The following TRIM3 variants were observed in gnomAD, a reference collection of about 807,000 sequenced individuals.
The protein encoded by TRIM3 is tripartite motif-containing protein 3.
TRIM3 carries 13 observed loss-of-function variants against 66.6 expected under a neutral mutation model. That is an observed-to-expected ratio of 0.20 (90% confidence interval 0.13 to 0.31). TRIM3 has a LOEUF of 0.31. Ranked by LOEUF, TRIM3 falls within the 10% of genes least tolerant of loss-of-function variation. TRIM3 has a pLI of 1.00. For synonymous variants in TRIM3, 406 were observed against 411.7 expected, an observed-to-expected ratio of 0.99 and a Z score of 0.17; for missense variants, 711 against 1,020.4, an observed-to-expected ratio of 0.70 and a Z score of 4.13.
At chr11:6,455,155 A>C (rs554989449) in intron 7 of TRIM3, among the ~76,000 whole-genome samples, 1 of 152,226 alleles carries the variant, frequency 6.6e-6, no homozygotes, top group South Asian at 2.1e-4. Flanking sequence ...CTCCACCTGG[A>C]CGATGATATT....
At position 6,462,059 on chromosome 11, in the gene TRIM3, G is replaced by A. The variant is rs116616770; in HGVS notation, c.131+3506C>T. 8.2e-3 allele frequency among the ~76,000 whole-genome samples: 1,253 copies of A among 152,082 alleles called. 20 individuals are homozygous for A. The highest frequency in any genetic ancestry group is 0.029 in the African/African-American group (1,186 of 41,454). On this transcript the variant is annotated intron_variant, in intron 2 of 11. Transcript: ENST00000345851. ...TGTCTACTTCTTCCTCAAGGCCTTT[G>A]CACAGATTTTTCTATTGCCTGGAAC...
chr11:6,465,431 C>T, intron 2 of TRIM3, 134 bp downstream of exon 2: 1 of 1,114,862 alleles, frequency 9.0e-7, no homozygotes, highest in Admixed American at 2.1e-5. Context: ...GGTTCACCTG[C>T]TCTCCTCCCA....
intron 2 of TRIM3, among the ~76,000 whole-genome samples, chr11:6,460,035 T>C (rs1850155429): frequency 6.6e-6 from 1 of 152,016 alleles, no homozygotes; most frequent in Non-Finnish European, 1.5e-5. Flanking sequence ...TAGACAGTGA[T>C]AAGAGAGAGG....
Position 6,448,724 on chromosome 11 carries a change from T to C in TRIM3, c.*304A>G. 1 of 611,008 alleles carries C rather than the reference T, an allele frequency of 1.6e-6. No homozygotes were observed. Among genetic ancestry groups the C allele is most frequent in the East Asian group, 2.7e-5 (1 of 36,372 alleles). 37.8% of individuals were successfully genotyped at this position (611,008 alleles called of 1,614,324 possible). The stretch of plus-strand genomic sequence containing the variant: ...GGACTCCTGTCCTGGGGTAGGCTGT[T>C]CTGGCCCCAGGCTGGGGGATGGGGA... On this transcript the variant is annotated 3_prime_UTR_variant, in exon 12 of 12. Coordinates refer to ENST00000345851, the MANE Select transcript of TRIM3 (RefSeq NM_033278.4).
In TRIM3 at chr11:6,465,642, C is replaced by A; in HGVS notation, c.54G>T (p.Gln18His). Residue 18 changes from glutamine (Q) to histidine (H), a missense_variant, in exon 2 of 12, where the codon CAG becomes CAT. Gln to His is a conservative substitution (Grantham distance 24). Around this residue, in one of 3 missense-constraint regions of TRIM3, gnomAD observed 149 missense variants for 240.3 expected, o/e 0.62. Transcript: ENST00000345851. ...PGPEVQPMDK[Q>H]FLVCSICLDR... ...CCAGGCAGATGCTGCATACCAGGAA[C>A]TGCTTGTCCATTGGCTGGACCTCTG... 6.2e-7 allele frequency: 1 copy of A among 1,614,194 alleles called. No individual in the cohort carries two copies. Among genetic ancestry groups the A allele is most frequent in the Admixed American group, 1.7e-5 (1 of 60,034 alleles).
chr11:6,451,123 A>C, intron 8 of TRIM3, 63 bp from the exon 9 acceptor site: 1 of 1,603,602 alleles, frequency 6.2e-7, no homozygotes, highest in Non-Finnish European at 8.5e-7. Flanking sequence ...GTCCTAACCC[A>C]GTACCAAAGC....
chr11:6,462,956 C>T (rs2134206196), intron 2 of TRIM3, among the ~76,000 whole-genome samples: 1 of 152,192 alleles, frequency 6.6e-6, no homozygotes, highest in Admixed American at 6.5e-5. Context: ...CCTGGAATCC[C>T]AGAACTTTGG....
chr11:6,465,271 T>C (rs1438934500), intron 2 of TRIM3, among the ~76,000 whole-genome samples: 1 of 152,126 alleles, frequency 6.6e-6, no homozygotes. Context: ...TGAGCACTGT[T>C]TGATTTCTTA....
In TRIM3 at chr11:6,456,598, C is replaced by T. The variant is rs979746561; in HGVS notation, c.1128G>A (p.Val376=). 1 of 1,612,822 alleles carries T rather than the reference C, an allele frequency of 6.2e-7. No individual in the cohort carries two copies. The highest frequency in any genetic ancestry group is 1.7e-5 in the Admixed American group (1 of 60,002). Residue 376 remains valine (V), a synonymous_variant, in exon 6 of 12, where the codon GTG becomes GTA. Transcript: ENST00000345851. This position sits in a 1 kb window ranked among gnomAD's most constrained non-coding sequence, Gnocchi z 6.4. ...TGCCATTCTTGTGGTCCACCACTGG[C>T]ACCGGAAGGCGCGTGCCGTCCGGGC... is the stretch of plus-strand genomic sequence containing the variant. ...ITGPDGTRLP[V]PVVDHKNGTY...
intron 7 of TRIM3, among the ~76,000 whole-genome samples, chr11:6,454,731 C>T (rs1474582060): frequency 1.3e-5 from 2 of 152,056 alleles, no homozygotes; most frequent in Admixed American, 1.3e-4. Context: ...CTGGACAGAA[C>T]TGGGAATATG....
chr11:6,471,334 C>A (rs1850678661), intron 1 of TRIM3, among the ~76,000 whole-genome samples: 2 of 152,198 alleles, frequency 1.3e-5, no homozygotes, highest in Non-Finnish European at 2.9e-5. Context: ...TTTATCTGAT[C>A]ATTTGAGACC....
chr11:6,471,283 T>C (rs1050509269), intron 1 of TRIM3, among the ~76,000 whole-genome samples: 2 of 152,340 alleles, frequency 1.3e-5, no homozygotes, highest in East Asian at 3.9e-4. Flanking sequence ...TAGGCTCATT[T>C]GCTTGCTAAA....
In TRIM3 at chr11:6,451,943, T is replaced by C. The variant is rs368637616; in HGVS notation, c.1534-505A>G. ...GCAGTGACAAGATCAATTTTGCTTT[T>C]AAGAAAGAACATTCTGGCTGTAGGG... On this transcript the variant is annotated intron_variant, in intron 7 of 11. Transcript: ENST00000345851. 98 of 154,284 alleles carry C rather than the reference T, an allele frequency of 6.4e-4. 3 individuals are homozygous for C. In the South Asian group the frequency reaches 0.019, roughly 29 times the overall value. 9.6% of individuals were successfully genotyped at this position (154,284 alleles called of 1,614,324 possible).
chr11:6,458,154 C>T lies in TRIM3; in HGVS notation c.274G>A (p.Ala92Thr), dbSNP rs758828714. 2 of 1,614,130 alleles carry T rather than the reference C, an allele frequency of 1.2e-6. No homozygotes were observed. Among genetic ancestry groups the T allele is most frequent in the Admixed American group, 3.3e-5 (2 of 60,028 alleles). The change falls in exon 3 of 12, where the codon GCA becomes ACA. Residue 92 changes from alanine to threonine, a missense_variant. Ala to Thr is a moderately conservative substitution (Grantham distance 58). This residue lies in a region of TRIM3 where 149 missense variants were observed against 240.3 expected (regional missense o/e 0.62). Transcript: ENST00000345851. The surrounding 1 kb of genome is among the most constrained non-coding windows in gnomAD (Gnocchi z 6.2). ...ISSLMEAMQQ[A>T]PDGAHDPEDP... Reference sequence around the variant, plus strand: ...TCCGGGTCGTGGGCCCCATCAGGTGCCTGCTGCATTGCCTCCATGAGGCTG... The same window carrying T: ...TCCGGGTCGTGGGCCCCATCAGGTGTCTGCTGCATTGCCTCCATGAGGCTG...
At chr11:6,451,745 G>A in intron 7 of TRIM3, 1 of 362,300 alleles carries the variant, frequency 2.8e-6, no homozygotes, top group Non-Finnish European at 5.1e-6. Context: ...GAAAGGAAGA[G>A]GAAAGGCATT....
Position 6,457,642 on chromosome 11 carries a change from G to A in TRIM3, c.515+54C>T. ...ACCCTTTATTCCCCTCCCCGCCCGA[G>A]CTAAGACACCATCCCTGTGGCCCCA... is the stretch of plus-strand genomic sequence containing the variant. On this transcript the variant is annotated intron_variant, in intron 4 of 11. Transcript: ENST00000345851. The surrounding 1 kb of genome is among the most constrained non-coding windows in gnomAD (Gnocchi z 4.5). The A allele has an allele frequency of 6.3e-7, 1 of 1,584,478 alleles. No individual in the cohort carries two copies. The highest frequency in any genetic ancestry group is 8.6e-7 in the Non-Finnish European group (1 of 1,162,290).
Position 6,450,888 on chromosome 11 carries a change from A to G in TRIM3, c.1870+4T>C. On this transcript the variant is annotated splice_donor_region_variant and intron_variant, in intron 9 of 11. Coordinates refer to ENST00000345851, the MANE Select transcript of TRIM3 (RefSeq NM_033278.4). The surrounding 1 kb of genome is among the most constrained non-coding windows in gnomAD (Gnocchi z 4.8). ...GCATAGATCTTGGAGCTGTCCCCCT[A>G]TACCTGCAAAGTGGCGGTCAGTGGC... 1 of 1,614,124 alleles carries G rather than the reference A, an allele frequency of 6.2e-7. No individual in the cohort carries two copies. Among genetic ancestry groups the G allele is most frequent in the Non-Finnish European group, 8.5e-7 (1 of 1,180,008 alleles).
chr11:6,449,269 A>T lies in TRIM3; in HGVS notation c.2082+37T>A. The T allele has an allele frequency of 6.2e-7, 1 of 1,610,526 alleles. No individual in the cohort carries two copies. Among genetic ancestry groups the T allele is most frequent in the Non-Finnish European group, 8.5e-7 (1 of 1,177,034 alleles). On this transcript the variant is annotated intron_variant, in intron 11 of 11. Transcript: ENST00000345851. The surrounding 1 kb of genome is among the most constrained non-coding windows in gnomAD (Gnocchi z 5.3). Reference sequence around the variant, plus strand: ...GAACGGGCATATGGGACACACCAGGAAACCGCCCCCTCATGTCATTCCCAG... The same window carrying T: ...GAACGGGCATATGGGACACACCAGGTAACCGCCCCCTCATGTCATTCCCAG...
chr11:6,457,216 G>A lies in TRIM3; in HGVS notation c.696+80C>T. On this transcript the variant is annotated intron_variant, in intron 5 of 11. Transcript: ENST00000345851. This position sits in a 1 kb window ranked among gnomAD's most constrained non-coding sequence, Gnocchi z 4.5. ...ATCTAGGCTGGGGAATGGGGAGCTGGTGTGGAAGACAGAGGAACAATGGAG... is the reference window on the plus strand; with the variant it reads ...ATCTAGGCTGGGGAATGGGGAGCTGATGTGGAAGACAGAGGAACAATGGAG... 1.9e-6 allele frequency: 3 copies of A among 1,559,354 alleles called. No individual in the cohort carries two copies. The South Asian group carries it at 3.6e-5, about 19-fold the overall frequency.
Sources: allele counts gnomAD v4.1 joint callset (sites outside exome capture counted in the v4.1 genomes callset), GRCh38; gene constraint gnomAD v4.1.1; regional missense constraint gnomAD v4.1.1; non-coding constraint Gnocchi (gnomAD v3.1); transcripts MANE v1.5; gene names NCBI Gene and HGNC (gene_info 2026-07-23, HGNC 2026-07-21).